Variants in PCYT1B observed in about 807,000 individuals in gnomAD.
PCYT1B encodes the protein phosphate cytidylyltransferase 1B, choline, also known as choline-phosphate cytidylyltransferase B.
PCYT1B carries 10 observed loss-of-function variants against 26.4 expected under a neutral mutation model. That is an observed-to-expected ratio of 0.38 (90% CI 0.23 to 0.64). The LOEUF is 0.64. PCYT1B is among the 30% of genes least tolerant of loss of function. The probability of loss-of-function intolerance (pLI) is 0.56; values close to 1 mark genes in which losing one functional copy is unlikely to be tolerated. For synonymous variants in PCYT1B, 131 were observed against 108.4 expected, an observed-to-expected ratio of 1.21 and a Z score of -1.29; for missense variants, 161 against 292.7, an observed-to-expected ratio of 0.55 and a Z score of 3.28.
At chrX:24,655,843 G>C (rs148175130) in intron 1 of PCYT1B, among the ~76,000 whole-genome samples, 1,871 of 107,365 alleles carry the variant, frequency 0.017, 46 homozygotes, top group African/African-American at 0.061. Flanking sequence ...GAGCTCGGCT[G>C]ATTCAGGTCT....
At chrX:24,665,636 G>A (rs1254671147) in intron 1 of PCYT1B, among the ~76,000 whole-genome samples, 1 of 111,300 alleles carries the variant, frequency 9.0e-6, no homozygotes, top group Non-Finnish European at 1.9e-5. Context: ...CCACTGTAGA[G>A]GGTAAGAAGA....
chrX:24,568,625 T>C (rs1055432910), intron 7 of PCYT1B, among the ~76,000 whole-genome samples: 1 of 111,580 alleles, frequency 9.0e-6, no homozygotes, highest in African/African-American at 3.3e-5. Flanking sequence ...CAGCTATGCT[T>C]ACTTTCCCCA....
At chrX:24,595,786 C>T (rs1924756433) in intron 3 of PCYT1B, among the ~76,000 whole-genome samples, 1 of 108,616 alleles carries the variant, frequency 9.2e-6, no homozygotes, top group Admixed American at 9.9e-5. Context: ...GAGGCTGAGG[C>T]AGGAGAATCG....
At chrX:24,666,217 C>G (rs936774672) in intron 1 of PCYT1B, among the ~76,000 whole-genome samples, 2 of 110,946 alleles carry the variant, frequency 1.8e-5, no homozygotes, top group Non-Finnish European at 3.8e-5. Context: ...TTTCTCTGGG[C>G]AAGGAGGATA....
intron 7 of PCYT1B, among the ~76,000 whole-genome samples, chrX:24,567,898 G>A (rs776735323): frequency 2.7e-5 from 3 of 111,300 alleles, no homozygotes; most frequent in South Asian, 3.9e-4. Context: ...GCAGTGAGGC[G>A]AGATCATGCC....
At chrX:24,658,304 G>A (rs1050165056) in intron 1 of PCYT1B, 3 of 111,901 alleles carry the variant, frequency 2.7e-5, no homozygotes, top group African/African-American at 6.5e-5. Context: ...GAGAGACTCC[G>A]TTTAATCTTC....
At chrX:24,618,648 T>G (rs2148254067) in intron 2 of PCYT1B, among the ~76,000 whole-genome samples, 1 of 108,987 alleles carries the variant, frequency 9.2e-6, no homozygotes, top group Admixed American at 9.9e-5. Context: ...GATGGAGTCT[T>G]GCTCTGTTGC....
chrX:24,564,608 T>C (rs1306544129), intron 7 of PCYT1B, among the ~76,000 whole-genome samples: 1 of 110,748 alleles, frequency 9.0e-6, no homozygotes, highest in Non-Finnish European at 1.9e-5. Context: ...CACTTTGGCC[T>C]CCCAAAGTGC....
intron 1 of PCYT1B, among the ~76,000 whole-genome samples, chrX:24,667,749 T>C (rs953404895): frequency 2.7e-5 from 3 of 111,631 alleles, no homozygotes; most frequent in African/African-American, 9.8e-5. Context: ...AATATCTCCT[T>C]TCCCTTTAAG....
chrX:24,646,365 G>T (rs1479719379), intron 1 of PCYT1B, among the ~76,000 whole-genome samples: 1 of 111,672 alleles, frequency 9.0e-6, no homozygotes, highest in Non-Finnish European at 1.9e-5. Context: ...AATAAATGTA[G>T]CTCCCCAGGT....
At chrX:24,661,723 A>G (rs993424251) in intron 1 of PCYT1B, among the ~76,000 whole-genome samples, 1 of 112,481 alleles carries the variant, frequency 8.9e-6, no homozygotes, top group Admixed American at 9.5e-5. Flanking sequence ...GATCTAAAAG[A>G]CATATCAATC....
upstream of PCYT1B, among the ~76,000 whole-genome samples, chrX:24,650,983 T>C (rs751608425): frequency 8.9e-6 from 1 of 111,811 alleles, no homozygotes; most frequent in Non-Finnish European, 1.9e-5. Flanking sequence ...GTTAGCATTA[T>C]AGTGTTAGAA....
chrX:24,623,967 C>CTTTTT (rs1347821643), intron 1 of PCYT1B, among the ~76,000 whole-genome samples: 3 of 85,230 alleles, frequency 3.5e-5, no homozygotes, highest in East Asian at 3.7e-4. Context: ...CTAAGCTATA[C>CTTTTT]TTTTTTTTTT....
chrX:24,607,682 G>A (rs1925181760), intron 3 of PCYT1B, 63 bp downstream of exon 3: 2 of 574,433 alleles, frequency 3.5e-6, no homozygotes, highest in South Asian at 2.9e-5. Context: ...CTCTGAAAGG[G>A]GCTCTTTTCA....
chrX:24,641,494 T>C (rs1362473999), intron 1 of PCYT1B, among the ~76,000 whole-genome samples: 3 of 112,221 alleles, frequency 2.7e-5, no homozygotes, highest in African/African-American at 9.7e-5. Flanking sequence ...TGACTACATA[T>C]ATGTATACGT....
intron 2 of PCYT1B, among the ~76,000 whole-genome samples, chrX:24,613,072 G>A (rs1602180405): frequency 8.9e-6 from 1 of 112,077 alleles, no homozygotes; most frequent in East Asian, 2.8e-4. Flanking sequence ...GCTCAGTGAA[G>A]TTAAGCATCT....
intron 1 of PCYT1B, among the ~76,000 whole-genome samples, chrX:24,663,292 A>T (rs1280494919): frequency 8.9e-6 from 1 of 112,518 alleles, no homozygotes. Context: ...TAGCTCCACC[A>T]GTAAGTTACA....
chrX:24,665,151 A>G (rs1291065653), intron 1 of PCYT1B, among the ~76,000 whole-genome samples: 1 of 111,747 alleles, frequency 8.9e-6, no homozygotes, highest in Non-Finnish European at 1.9e-5. Flanking sequence ...CCTAATGAAA[A>G]AATACAACAC....
Position 24,657,758 on chromosome X carries a change from T to C in PCYT1B, c.63+14812A>G, listed in dbSNP as rs774943411. Reference sequence around the variant, plus strand: ...CCTTCAGTCTCCCCAAGTGTTATTCTATAAGCAATTATAGGAACCAGAAAA... The same window carrying C: ...CCTTCAGTCTCCCCAAGTGTTATTCCATAAGCAATTATAGGAACCAGAAAA... On this transcript the variant is annotated intron_variant, in intron 1 of 7. Transcript: ENST00000379145. Among the ~76,000 whole-genome samples the C allele has an allele frequency of 1.6e-4, 18 of 112,342 alleles. 1 individual carries two copies. The East Asian group carries it at 5.0e-3, about 31-fold the overall frequency.
Sources: allele counts gnomAD v4.1 joint callset (sites outside exome capture counted in the v4.1 genomes callset), GRCh38; gene constraint gnomAD v4.1.1; transcripts MANE v1.5; gene names NCBI Gene and HGNC (gene_info 2026-07-23, HGNC 2026-07-21).